The following CLYBL variants were observed in gnomAD, a reference collection of about 807,000 sequenced individuals.
CLYBL encodes citramalyl-CoA lyase.
CLYBL carries 31 observed loss-of-function variants against 38.9 expected under a neutral mutation model. The observed-to-expected ratio is 0.80, with a 90% CI of 0.60 to 1.08. The LOEUF (loss-of-function observed/expected upper bound fraction) is 1.08, where lower values mean the gene tolerates loss of function less well. CLYBL is among the 50% of genes least tolerant of loss of function. CLYBL has a pLI of 0.00. For missense variants in CLYBL, 434 were observed against 411.6 expected, an observed-to-expected ratio of 1.05 and a Z score of -0.47; for synonymous variants, 171 against 158.6, an observed-to-expected ratio of 1.08 and a Z score of -0.59.
chr13:99,651,854 C>T (rs531393840), intron 1 of CLYBL, among the ~76,000 whole-genome samples: 48 of 152,210 alleles, frequency 3.2e-4, no homozygotes, highest in Middle Eastern at 6.8e-3. Flanking sequence ...ATTGCTTGAA[C>T]TCGGGAGGCA....
At chr13:99,784,253 T>G (rs9582344) in intron 2 of CLYBL, among the ~76,000 whole-genome samples, 2,930 of 152,258 alleles carry the variant, frequency 0.019, 85 homozygotes, top group African/African-American at 0.068. Context: ...TTGTGTTTGC[T>G]CCTACTGAAA....
chr13:99,792,386 G>A (rs543662161), intron 2 of CLYBL, among the ~76,000 whole-genome samples: 11 of 152,232 alleles, frequency 7.2e-5, no homozygotes, highest in African/African-American at 2.4e-4. Context: ...CAGTAGAGGG[G>A]GCAGGGGAAG....
downstream of CLYBL, among the ~76,000 whole-genome samples, chr13:99,899,936 A>AT (rs974482390): frequency 7.9e-5 from 12 of 151,350 alleles, no homozygotes; most frequent in Middle Eastern, 3.2e-3. Context: ...TTATTTATTT[A>AT]TTTTTTTTGA....
intron 8 of CLYBL, among the ~76,000 whole-genome samples, chr13:99,903,503 A>G (rs747258297): frequency 2.0e-5 from 3 of 152,146 alleles, no homozygotes; most frequent in Non-Finnish European, 4.4e-5. Context: ...ATCTCTCTCT[A>G]TCCGTAAACA....
At chr13:99,740,327 A>C (rs77439147) in intron 1 of CLYBL, among the ~76,000 whole-genome samples, 8 of 152,342 alleles carry the variant, frequency 5.3e-5, no homozygotes, top group African/African-American at 1.7e-4. Context: ...AAGAGGCTCG[A>C]AAGTCTCATG....
chr13:99,775,860 G>GT (rs1438181193), intron 2 of CLYBL, among the ~76,000 whole-genome samples: 1 of 151,100 alleles, frequency 6.6e-6, no homozygotes, highest in Non-Finnish European at 1.5e-5. Context: ...GCTGGTCTTT[G>GT]TTTAAAATAA....
intron 1 of CLYBL, among the ~76,000 whole-genome samples, chr13:99,631,043 C>T (rs1566593265): frequency 6.6e-6 from 1 of 152,080 alleles, no homozygotes; most frequent in Non-Finnish European, 1.5e-5. Flanking sequence ...AAAATAAGTC[C>T]AGGTGTGGTG....
intron 2 of CLYBL, among the ~76,000 whole-genome samples, chr13:99,785,618 A>G (rs922305602): frequency 2.2e-4 from 32 of 142,960 alleles, no homozygotes; most frequent in Admixed American, 2.9e-4. Flanking sequence ...TTTTTTTGAG[A>G]TGGAGTCTCG....
At chr13:99,727,318 A>G (rs2048494656) in intron 1 of CLYBL, 1 of 152,086 alleles carries the variant, frequency 6.6e-6, no homozygotes. Context: ...GCTTTTCCAC[A>G]GAATTGGCGT....
intron 2 of CLYBL, among the ~76,000 whole-genome samples, chr13:99,789,219 C>G (rs1423666009): frequency 1.3e-5 from 2 of 152,050 alleles, no homozygotes; most frequent in African/African-American, 4.8e-5. Flanking sequence ...TTGATCTTAG[C>G]TATTTCTTGC....
At chr13:99,699,089 T>C (rs1029885379) in intron 1 of CLYBL, among the ~76,000 whole-genome samples, 8 of 152,132 alleles carry the variant, frequency 5.3e-5, no homozygotes, top group Non-Finnish European at 1.0e-4. Context: ...ACTGACATTT[T>C]AAAAAATGAA....
chr13:99,841,545 G>A (rs111686576), intron 2 of CLYBL, among the ~76,000 whole-genome samples: 1,611 of 152,000 alleles, frequency 0.011, 27 homozygotes, highest in African/African-American at 0.037. Context: ...TACTACAGGC[G>A]CGTGCCACCA....
Position 99,681,679 on chromosome 13 carries a change from C to T in CLYBL, c.62+74922C>T, listed in dbSNP as rs182003099. Among the ~76,000 whole-genome samples, 439 of 152,124 alleles carry T rather than the reference C, an allele frequency of 2.9e-3. 4 individuals are homozygous for T. Among genetic ancestry groups the T allele is most frequent in the African/African-American group, 9.8e-3 (406 of 41,494 alleles). ...TCGGCTCATTGCAACCTCCACCTTCCGGGTTCAAGCGATTCTCCTGCCTCA... is the reference window on the plus strand; with the variant it reads ...TCGGCTCATTGCAACCTCCACCTTCTGGGTTCAAGCGATTCTCCTGCCTCA... On this transcript the variant is annotated intron_variant, in intron 1 of 8. Coordinates refer to ENST00000339105, the MANE Select transcript of CLYBL (RefSeq NM_206808.5).
chr13:99,606,755 G>C lies in CLYBL; in HGVS notation c.60G>C (p.Arg20Ser), dbSNP rs1287401558. 3 of 1,475,708 alleles carry C rather than the reference G, an allele frequency of 2.0e-6. No homozygotes were observed. The highest frequency in any genetic ancestry group is 1.5e-5 in the African/African-American group (1 of 68,172). The allele number at this position is 1,475,708 out of a possible 1,614,324, so 91.4% of individuals were successfully genotyped here. A position where few individuals can be genotyped will look rare whatever the true frequency, so the allele number is the denominator to read the frequency against. The change falls in exon 1 of 9, where the codon AGG becomes AGC. Residue 20 changes from arginine (R) to serine (S), a missense_variant and splice_region_variant. Physicochemically the swap from Arg to Ser is moderately radical, Grantham distance 110. Coordinates refer to ENST00000339105, the MANE Select transcript of CLYBL (RefSeq NM_206808.5). ...ARGAAAAALL[R>S]LKASLAADIP... ...GAGCTGCGGCGGCGGCGCTGCTGAG[G>C]CTGTGAGTGCAGGTCCCCGTTCCCC...
At chr13:99,779,580 A>G (rs979427172) in intron 2 of CLYBL, among the ~76,000 whole-genome samples, 11 of 152,230 alleles carry the variant, frequency 7.2e-5, no homozygotes, top group Admixed American at 2.0e-4. Context: ...GTAAAATACA[A>G]TACAAATGAA....
intron 1 of CLYBL, chr13:99,727,361 T>G (rs1055436839): frequency 2.0e-5 from 3 of 152,014 alleles, no homozygotes; most frequent in Non-Finnish European, 2.9e-5. Flanking sequence ...CTTCCTTAAC[T>G]GAATCAAGCC....
intron 2 of CLYBL, among the ~76,000 whole-genome samples, chr13:99,854,298 T>C (rs531019792): frequency 3.9e-5 from 6 of 151,992 alleles, no homozygotes; most frequent in Non-Finnish European, 7.4e-5. Flanking sequence ...GTTATGAAAC[T>C]GTGATAATGC....
intron 2 of CLYBL, among the ~76,000 whole-genome samples, chr13:99,845,972 T>A (rs1212673878): frequency 3.0e-4 from 44 of 148,066 alleles, no homozygotes; most frequent in South Asian, 2.1e-4. Context: ...ATTTGCCACC[T>A]AAAAAAAAAA....
intron 2 of CLYBL, among the ~76,000 whole-genome samples, chr13:99,831,618 T>G (rs1416944126): frequency 2.6e-5 from 4 of 152,134 alleles, no homozygotes; most frequent in Non-Finnish European, 5.9e-5. Context: ...ATTAACAATA[T>G]TATTGAAGAA....
Sources: gnomAD v4.1 joint callset for allele counts (sites outside exome capture counted in the v4.1 genomes callset) on GRCh38, gnomAD v4.1.1 for gene constraint, MANE v1.5 for transcripts, NCBI Gene and HGNC (gene_info 2026-07-23, HGNC 2026-07-21) for gene names.